The following CMYA5 variants were observed in gnomAD, a reference collection of about 807,000 sequenced individuals.
The protein encoded by CMYA5 is cardiomyopathy associated 5, also known as cardiomyopathy-associated protein 5.
In CMYA5, 246 loss-of-function variants were observed where a neutral mutation model predicts 318.9. The ratio of observed to expected loss-of-function variants is 0.77; its 90% CI spans 0.70 to 0.86. The LOEUF (loss-of-function observed/expected upper bound fraction) is 0.86, where lower values mean the gene tolerates loss of function less well. Among genes scored for constraint, CMYA5 ranks in the 40% least tolerant of loss-of-function variants. The probability of loss-of-function intolerance (pLI) is 0.00; values close to 1 mark genes in which losing one functional copy is unlikely to be tolerated. For missense variants in CMYA5, 4,589 were observed against 4,678.2 expected (o/e 0.98, Z 0.56); for synonymous variants, 1,641 against 1,729.5 (o/e 0.95, Z 1.27).
intron 1 of CMYA5, among the ~76,000 whole-genome samples, chr5:79,698,843 T>C (rs2151075026): frequency 6.6e-6 from 1 of 152,322 alleles, no homozygotes; most frequent in East Asian, 1.9e-4. Context: ...CAGTGCCTGC[T>C]ACACAGTAGG....
At chr5:79,788,155 C>A (rs1300786695) in intron 9 of CMYA5, among the ~76,000 whole-genome samples, 3 of 151,872 alleles carry the variant, frequency 2.0e-5, no homozygotes, top group African/African-American at 7.3e-5. Context: ...AGCAAGGAAT[C>A]TAACTTGTAA....
chr5:79,701,609 A>T (rs1243910848), intron 1 of CMYA5, among the ~76,000 whole-genome samples: 2 of 152,216 alleles, frequency 1.3e-5, no homozygotes, highest in Admixed American at 6.5e-5. Context: ...CTCATATAAC[A>T]CTGGTAGGAA....
At chr5:79,697,986 G>C (rs556913903) in intron 1 of CMYA5, among the ~76,000 whole-genome samples, 1 of 152,092 alleles carries the variant, frequency 6.6e-6, no homozygotes, top group Non-Finnish European at 1.5e-5. Context: ...TTGCATTTTC[G>C]TAAGGCCAAA....
At position 79,737,146 on chromosome 5, in the gene CMYA5, C is replaced by G; in HGVS notation, c.8381C>G (p.Thr2794Ser). ...EGFPSKESER[T>S]LARPFDETKS... The stretch of plus-strand genomic sequence containing the variant: ...TTTCCATCTAAAGAATCCGAAAGGA[C>G]TTTAGCTCGTCCTTTTGATGAAACT... Residue 2794 changes from threonine (T) to serine (S), a missense_variant, in exon 2 of 13, where the codon ACT (threonine) becomes AGT (serine). Physicochemically the swap from Thr to Ser is moderately conservative, Grantham distance 58. Coordinates refer to ENST00000446378, the MANE Select transcript of CMYA5 (RefSeq NM_153610.5). The G allele has an allele frequency of 6.2e-7, 1 of 1,613,054 alleles. No individual in the cohort carries two copies. Among genetic ancestry groups the G allele is most frequent in the Non-Finnish European group, 8.5e-7 (1 of 1,179,632 alleles).
intron 1 of CMYA5, among the ~76,000 whole-genome samples, chr5:79,694,778 T>G (rs1827035283): frequency 6.6e-6 from 1 of 152,198 alleles, no homozygotes; most frequent in African/African-American, 2.4e-5. Context: ...CCCACAGATG[T>G]GCTTACCTAG....
At position 79,761,023 on chromosome 5, in the gene CMYA5, G is replaced by C. The variant is rs76615107; in HGVS notation, c.11261-788G>C. Among the ~76,000 whole-genome samples, 740 of 152,236 alleles carry C rather than the reference G, an allele frequency of 4.9e-3. 51 individuals carry two copies. In the East Asian group the frequency reaches 0.13, roughly 27 times the overall value. On this transcript the variant is annotated intron_variant, in intron 7 of 12. Coordinates refer to ENST00000446378, the MANE Select transcript of CMYA5 (RefSeq NM_153610.5). ...GATGTGACATTCAAGAGTCATAAGG[G>C]GGGGAAACTGAAATTACCATAGGCA...
intron 1 of CMYA5, among the ~76,000 whole-genome samples, chr5:79,709,734 G>A (rs1321897100): frequency 6.6e-6 from 1 of 151,588 alleles, no homozygotes. Context: ...AAGGTGGGCC[G>A]ATTACTTGAG....
Position 79,730,802 on chromosome 5 carries a change from A to G in CMYA5, c.2037A>G (p.Leu679=), listed in dbSNP as rs1310921262. 3 of 1,613,768 alleles carry G rather than the reference A, an allele frequency of 1.9e-6. No homozygotes were observed. The highest frequency in any genetic ancestry group is 2.5e-6 in the Non-Finnish European group (3 of 1,179,846). ...CAGTTACACCAGAATACATGGTCCT[A>G]TCAGGAGACGAGGCCTCAGAAAGTG... The part of the protein sequence containing the change: ...FSTVTPEYMV[L]SGDEASESGC... The change falls in exon 2 of 13, where the codon CTA becomes CTG. Residue 679 remains leucine, a synonymous_variant. Coordinates refer to ENST00000446378, the MANE Select transcript of CMYA5 (RefSeq NM_153610.5).
Position 79,763,065 on chromosome 5 carries a change from C to G in CMYA5, c.11411C>G (p.Pro3804Arg), listed in dbSNP as rs1395484625. Reference sequence around the variant, plus strand: ...TGTCCTGACTCTCTTTCTGCAGCACCCTCCACCCCTGTGATCCGCGCTGAG... The same window carrying G: ...TGTCCTGACTCTCTTTCTGCAGCACGCTCCACCCCTGTGATCCGCGCTGAG... The part of the protein sequence containing the change: ...PSERAIFRTA[P>R]STPVIRAEDC... The change falls in exon 9 of 13, where the codon CCC becomes CGC. Residue 3804 changes from proline (P) to arginine (R), a missense_variant. Transcript: ENST00000446378. 3 of 1,612,514 alleles carry G rather than the reference C, an allele frequency of 1.9e-6. No homozygotes were observed. Among genetic ancestry groups the G allele is most frequent in the African/African-American group, 1.3e-5 (1 of 74,882 alleles).
At chr5:79,727,829 T>G (rs1169323355) in intron 1 of CMYA5, among the ~76,000 whole-genome samples, 6 of 152,082 alleles carry the variant, frequency 3.9e-5, no homozygotes. Context: ...CAATAGCAAA[T>G]GAAGGAGCGG....
At chr5:79,790,152 G>C (rs1353763493) in intron 10 of CMYA5, among the ~76,000 whole-genome samples, 1 of 152,156 alleles carries the variant, frequency 6.6e-6, no homozygotes, top group Non-Finnish European at 1.5e-5. Flanking sequence ...GGGCCAGCCT[G>C]ATGTTTATGA....
chr5:79,694,088 AT>A (rs1456202268), intron 1 of CMYA5, among the ~76,000 whole-genome samples: 1 of 152,146 alleles, frequency 6.6e-6, no homozygotes, highest in African/African-American at 2.4e-5. Flanking sequence ...GAGTAAGGTA[AT>A]GGGGCGAGTG....
At chr5:79,706,106 C>T (rs145353906) in intron 1 of CMYA5, among the ~76,000 whole-genome samples, 51 of 152,254 alleles carry the variant, frequency 3.3e-4, no homozygotes, top group Middle Eastern at 3.4e-3. Flanking sequence ...ATAATGAAAG[C>T]TGGGTCCAGG....
Position 79,747,094 on chromosome 5 carries a change from T to C in CMYA5, c.10972T>C (p.Phe3658Leu). Reference protein sequence around the residue: ...ELDEAVFLTSFEEINERLLSA... With the variant: ...ELDEAVFLTSLEEINERLLSA... ...TTCCTCTCTCTTTCTCCCTAAGTCG[T>C]TTGAGGAAATCAATGAAAGGTATAT... is the stretch of plus-strand genomic sequence containing the variant. Residue 3658 changes from phenylalanine (F) to leucine (L), a missense_variant, in exon 5 of 13, where the codon TTT becomes CTT. Physicochemically the swap from Phe to Leu is conservative, Grantham distance 22. Coordinates refer to ENST00000446378, the MANE Select transcript of CMYA5 (RefSeq NM_153610.5). 1 of 1,527,450 alleles carries C rather than the reference T, an allele frequency of 6.5e-7. No individual in the cohort carries two copies. The highest frequency in any genetic ancestry group is 8.9e-7 in the Non-Finnish European group (1 of 1,125,990). 94.6% of individuals were successfully genotyped at this position (1,527,450 alleles called of 1,614,324 possible). A position where few individuals can be genotyped will look rare whatever the true frequency, so the allele number is the denominator to read the frequency against.
At chr5:79,777,441 A>C (rs978927246) in intron 9 of CMYA5, among the ~76,000 whole-genome samples, 8 of 152,180 alleles carry the variant, frequency 5.3e-5, no homozygotes, top group African/African-American at 1.9e-4. Flanking sequence ...CTTGGTGAGC[A>C]TCCCATATCA....
intron 8 of CMYA5, 49 bp downstream of exon 8, chr5:79,762,006 TCACAGA>T: frequency 6.4e-7 from 1 of 1,566,656 alleles, no homozygotes; most frequent in Non-Finnish European, 8.7e-7. Flanking sequence ...GCTCAGTTCT[TCACAGA>T]CTCTTGAGAT....
At chr5:79,743,104 T>C (rs80356008) in intron 2 of CMYA5, among the ~76,000 whole-genome samples, 20,262 of 152,216 alleles carry the variant, frequency 0.13, 1,455 homozygotes, top group South Asian at 0.19. Context: ...TGAAGAGGCC[T>C]CCATCAATGT....
At chr5:79,753,923 G>C (rs994373421) in intron 6 of CMYA5, among the ~76,000 whole-genome samples, 1 of 152,162 alleles carries the variant, frequency 6.6e-6, no homozygotes, top group Non-Finnish European at 1.5e-5. Flanking sequence ...TAACAGAGCT[G>C]GTCTTTTGCT....
chr5:79,793,534 T>C lies in CMYA5; in HGVS notation c.11887T>C (p.Ser3963Pro). The part of the protein sequence containing the change: ...DCPAYRLGIC[S>P]SSAVQAGALG... ...CCCAGCATATCGACTCGGCATCTGC[T>C]CCAGCTCGGCTGTGCAGGCAGGTGC... The change falls in exon 12 of 13, where the codon TCC (serine) becomes CCC (proline). Residue 3963 changes from serine (S) to proline (P), a missense_variant. By Grantham distance (74) the Ser-to-Pro change is moderately conservative. Coordinates refer to ENST00000446378, the MANE Select transcript of CMYA5 (RefSeq NM_153610.5). 2 of 1,613,832 alleles carry C rather than the reference T, an allele frequency of 1.2e-6. No homozygotes were observed. The highest frequency in any genetic ancestry group is 1.7e-6 in the Non-Finnish European group (2 of 1,179,824).
Sources: gnomAD v4.1 joint callset for allele counts (sites outside exome capture counted in the v4.1 genomes callset) on GRCh38, gnomAD v4.1.1 for gene constraint, MANE v1.5 for transcripts, NCBI Gene and HGNC (gene_info 2026-07-23, HGNC 2026-07-21) for gene names.